HECW2: variants seen among roughly 807,000 people sequenced by gnomAD.
HECW2 encodes the protein E3 ubiquitin-protein ligase HECW2.
A neutral mutation model predicts 175.2 loss-of-function variants in HECW2; 61 were observed. That is an observed-to-expected ratio of 0.35 (90% CI 0.28 to 0.43). The LOEUF (loss-of-function observed/expected upper bound fraction) is 0.43, where lower values mean the gene tolerates loss of function less well. Ranked by LOEUF, HECW2 falls within the 20% of genes least tolerant of loss-of-function variation. HECW2 has a pLI of 1.00. For synonymous variants in HECW2, 671 were observed against 731.0 expected, an observed-to-expected ratio of 0.92 and a Z score of 1.32; for missense variants, 1,524 against 2,000.5, an observed-to-expected ratio of 0.76 and a Z score of 4.54.
intron 1 of HECW2, among the ~76,000 whole-genome samples, chr2:196,536,082 T>G (rs754586781): frequency 2.0e-5 from 3 of 152,158 alleles, no homozygotes; most frequent in Non-Finnish European, 4.4e-5. Context: ...ATGTGTGCCC[T>G]TAGGACTTAC....
chr2:196,241,987 C>T, intron 20 of HECW2, 97 bp downstream of exon 20: 1 of 1,107,644 alleles, frequency 9.0e-7, no homozygotes, highest in South Asian at 1.5e-5. Context: ...AAAATGAAGG[C>T]TAGTCATCCC....
At chr2:196,314,786 T>A (rs1378101138) in intron 10 of HECW2, among the ~76,000 whole-genome samples, 1 of 152,184 alleles carries the variant, frequency 6.6e-6, no homozygotes, top group East Asian at 1.9e-4. Context: ...AGCCTTAAAA[T>A]TCAATCAGGT....
chr2:196,382,414 T>C (rs533550715), intron 2 of HECW2, among the ~76,000 whole-genome samples: 1 of 152,034 alleles, frequency 6.6e-6, no homozygotes, highest in African/African-American at 2.4e-5. Flanking sequence ...GAAAGTTTTT[T>C]GGGCCAAATG....
chr2:196,204,334 T>A lies in HECW2; in HGVS notation c.4608-2946A>T, dbSNP rs78786194. Among the ~76,000 whole-genome samples, 971 of 149,422 alleles carry A rather than the reference T, an allele frequency of 6.5e-3. 13 individuals are homozygous for A. Among genetic ancestry groups the A allele is most frequent in the African/African-American group, 0.023 (911 of 39,864 alleles). On this transcript the variant is annotated intron_variant, in intron 28 of 28. Transcript: ENST00000644978. ...CATCCTCACCAACACTTATTTCTTGTTTTTTGTTTGTTTGTTTGTTTGTTT... is the reference window on the plus strand; with the variant it reads ...CATCCTCACCAACACTTATTTCTTGATTTTTGTTTGTTTGTTTGTTTGTTT...
chr2:196,449,911 G>T (rs13409642), intron 1 of HECW2, among the ~76,000 whole-genome samples: 20,139 of 151,984 alleles, frequency 0.13, 1,785 homozygotes, highest in African/African-American at 0.26. Context: ...TAATGCATGG[G>T]AAACAGGAAT....
intron 17 of HECW2, among the ~76,000 whole-genome samples, chr2:196,267,399 C>T (rs1531106): frequency 0.18 from 27,703 of 151,842 alleles, 2,791 homozygotes; most frequent in East Asian, 0.24. Flanking sequence ...TCATAGCATA[C>T]AAACATCTTC....
chr2:196,269,662 G>C (rs1336091163), intron 17 of HECW2, among the ~76,000 whole-genome samples: 1 of 152,110 alleles, frequency 6.6e-6, no homozygotes, highest in Non-Finnish European at 1.5e-5. Context: ...ATAATGATGA[G>C]TTGGATAAGA....
At chr2:196,242,395 G>T in intron 19 of HECW2, 191 bp from the exon 20 acceptor site, 1 of 620,384 alleles carries the variant, frequency 1.6e-6, no homozygotes, top group Non-Finnish European at 2.7e-6. Flanking sequence ...CGTCCTCTTT[G>T]TGGCATTTTG....
intron 1 of HECW2, among the ~76,000 whole-genome samples, chr2:196,449,515 C>A (rs1696284568): frequency 6.6e-6 from 1 of 152,112 alleles, no homozygotes; most frequent in Non-Finnish European, 1.5e-5. Flanking sequence ...TGAAAGATTT[C>A]ATTTGTTTTA....
chr2:196,539,929 CTTTTG>C (rs144155880), intron 1 of HECW2, among the ~76,000 whole-genome samples: 190 of 152,286 alleles, frequency 1.2e-3, no homozygotes, highest in Non-Finnish European at 2.0e-3. Flanking sequence ...CTGATACTAT[CTTTTG>C]TTTTGTTTTT....
intron 1 of HECW2, among the ~76,000 whole-genome samples, chr2:196,492,594 C>T (rs887562669): frequency 4.6e-5 from 7 of 152,216 alleles, no homozygotes; most frequent in Admixed American, 1.3e-4. Flanking sequence ...GGGAAAGGGG[C>T]GGGAGTGGAA....
At chr2:196,415,535 T>TCCTGTC (rs1199718398) in intron 2 of HECW2, among the ~76,000 whole-genome samples, 22 of 152,140 alleles carry the variant, frequency 1.4e-4, no homozygotes, top group Middle Eastern at 3.4e-3. Context: ...GTTTGCTGCT[T>TCCTGTC]CCTGTGGTGT....
Position 196,201,164 on chromosome 2 carries a change from C to A in HECW2, c.*113G>T, listed in dbSNP as rs989178923. On this transcript the variant is annotated 3_prime_UTR_variant, in exon 29 of 29. Coordinates refer to ENST00000644978, the MANE Select transcript of HECW2 (RefSeq NM_001348768.2). ...CACTTGTTCCTGGAAAACAACAGCA[C>A]ATAGCTTTATCCTAAAGGAAGCATC... 8.1e-6 allele frequency: 6 copies of A among 740,984 alleles called. No homozygotes were observed. Among genetic ancestry groups the A allele is most frequent in the East Asian group, 5.2e-5 (2 of 38,634 alleles). The allele number at this position is 740,984 out of a possible 1,614,324, so 45.9% of individuals were successfully genotyped here.
chr2:196,575,733 GCAC>G (rs1362693361), intron 1 of HECW2, among the ~76,000 whole-genome samples: 1 of 152,122 alleles, frequency 6.6e-6, no homozygotes, highest in Non-Finnish European at 1.5e-5. Context: ...TGTACAAATA[GCAC>G]CAATATATGC....
intron 3 of HECW2, among the ~76,000 whole-genome samples, chr2:196,342,058 C>T (rs1035554729): frequency 2.6e-5 from 4 of 152,126 alleles, no homozygotes; most frequent in African/African-American, 9.7e-5. Flanking sequence ...TTAAGGCTCA[C>T]TCAGAGCTCA....
chr2:196,591,872 C>T (rs1559192934), intron 1 of HECW2, among the ~76,000 whole-genome samples: 1 of 152,112 alleles, frequency 6.6e-6, no homozygotes. Flanking sequence ...AAGATAAAGT[C>T]AATAACTGAT....
chr2:196,574,714 C>G (rs1690501475), intron 1 of HECW2, among the ~76,000 whole-genome samples: 1 of 152,096 alleles, frequency 6.6e-6, no homozygotes, highest in African/African-American at 2.4e-5. Flanking sequence ...ACACTAATAG[C>G]TAAAGCAATC....
chr2:196,433,404 T>C lies in HECW2; in HGVS notation c.20A>G (p.Glu7Gly). 1 of 1,613,774 alleles carries C rather than the reference T, an allele frequency of 6.2e-7. No homozygotes were observed. The highest frequency in any genetic ancestry group is 8.5e-7 in the Non-Finnish European group (1 of 1,179,840). The change falls in exon 2 of 29, where the codon GAG becomes GGG. Residue 7 changes from glutamate (E) to glycine (G), a missense_variant. Around this residue, in one of 11 missense-constraint regions of HECW2, gnomAD observed 135 missense variants for 214.6 expected, o/e 0.63. Transcript: ENST00000644978. MASSAR[E>G]HLLFVRRRNP... The stretch of plus-strand genomic sequence containing the variant: ...TCGACGCCTCACAAAAAGCAGGTGC[T>C]CCCGGGCTGAACTAGCCATCCCGTC...
chr2:196,588,759 T>C (rs1401767), intron 1 of HECW2, among the ~76,000 whole-genome samples: 123,076 of 152,186 alleles, frequency 0.81, 50,198 homozygotes, highest in East Asian at 0.95. Context: ...ACTTGAGTCA[T>C]AGTTAGAACA....
Sources: allele counts gnomAD v4.1 joint callset (sites outside exome capture counted in the v4.1 genomes callset), GRCh38; gene constraint gnomAD v4.1.1; regional missense constraint gnomAD v4.1.1; transcripts MANE v1.5; gene names NCBI Gene and HGNC (gene_info 2026-07-23, HGNC 2026-07-21).